CROCC: variants seen among roughly 807,000 people sequenced by gnomAD.
CROCC encodes the protein ciliary rootlet coiled-coil, rootletin, also known as rootletin.
Under a neutral mutation model 245.2 loss-of-function variants are expected in CROCC, and 180 were observed. The ratio of observed to expected loss-of-function variants is 0.73; its 90% CI spans 0.65 to 0.83. The LOEUF is 0.83. Among genes scored for constraint, CROCC ranks in the 40% least tolerant of loss-of-function variants. The pLI, the probability that CROCC is intolerant of heterozygous loss-of-function variation, is 0.00. For missense variants in CROCC, 2,688 were observed against 2,779.4 expected (o/e 0.97, Z 0.74); for synonymous variants, 1,205 against 1,241.6 (o/e 0.97, Z 0.62).
In CROCC at chr1:16,955,331, A is replaced by G; in HGVS notation, c.3485A>G (p.Gln1162Arg). ...TCACAGGCAGAAGAGCTTCGGACCCAGCTGCGTCTGCTGGAGGATGCCCGT... is the reference window on the plus strand; with the variant it reads ...TCACAGGCAGAAGAGCTTCGGACCCGGCTGCGTCTGCTGGAGGATGCCCGT... ...CLREAEELRT[Q>R]LRLLEDARDG... is the part of the protein sequence containing the mutation. Residue 1162 changes from glutamine to arginine, a missense_variant, in exon 24 of 37, where the codon CAG becomes CGG. By Grantham distance (43) the Gln-to-Arg change is conservative (BLOSUM62 1). This residue lies in a region of CROCC where 1,218 missense variants were observed against 1,286.3 expected (regional missense o/e 0.95). Coordinates refer to ENST00000375541, the MANE Select transcript of CROCC (RefSeq NM_014675.5). The G allele has an allele frequency of 6.2e-7, 1 of 1,608,224 alleles. No homozygotes were observed. The highest frequency in any genetic ancestry group is 8.5e-7 in the Non-Finnish European group (1 of 1,179,672).
At chr1:16,963,044 G>A (rs1223972258) in intron 27 of CROCC, among the ~76,000 whole-genome samples, 6 of 151,618 alleles carry the variant, frequency 4.0e-5, no homozygotes, top group Non-Finnish European at 2.9e-5. Flanking sequence ...TTAGTCAAGT[G>A]TGGTGGCAGA....
At position 16,953,346 on chromosome 1, in the gene CROCC, G is replaced by C; in HGVS notation, c.3051G>C (p.Gln1017His). ...TGGAGGCCGAGCGGGCCCAGCTGCA[G>C]AGTCAGCTGCAGCGTGAGCAGGAGG... ...RELEAERAQL[Q>H]SQLQREQEEL... The change falls in exon 21 of 37, where the codon CAG becomes CAC. Residue 1017 changes from glutamine to histidine, a missense_variant. Gln to His is a conservative substitution (Grantham distance 24). Around this residue, in one of 9 missense-constraint regions of CROCC, gnomAD observed 106 missense variants for 126.1 expected, o/e 0.84. Transcript: ENST00000375541. The C allele has an allele frequency of 1.2e-6, 2 of 1,606,280 alleles. No homozygotes were observed. The highest frequency in any genetic ancestry group is 1.7e-6 in the Non-Finnish European group (2 of 1,178,000).
At chr1:16,959,061 C>T (rs904263943) in intron 26 of CROCC, among the ~76,000 whole-genome samples, 6 of 152,284 alleles carry the variant, frequency 3.9e-5, no homozygotes, top group African/African-American at 1.2e-4. Context: ...CTCACTCTGT[C>T]GCCCAGGCTG....
At chr1:16,928,174 C>T (rs1481757665) in intron 3 of CROCC, among the ~76,000 whole-genome samples, 1 of 152,288 alleles carries the variant, frequency 6.6e-6, no homozygotes, top group Non-Finnish European at 1.5e-5. Context: ...TGTAGCAGGC[C>T]AGGTCCTGAG....
chr1:16,953,653 T>C (rs2076201575), intron 21 of CROCC, 172 bp downstream of exon 21: 4 of 609,220 alleles, frequency 6.6e-6, no homozygotes, highest in Non-Finnish European at 1.1e-5. Context: ...TCGTGAGGCT[T>C]TGCTGTGCTC....
chr1:16,960,875 G>T lies in CROCC; in HGVS notation c.4150G>T (p.Ala1384Ser), dbSNP rs932056043. 5 of 1,515,468 alleles carry T rather than the reference G, an allele frequency of 3.3e-6. No homozygotes were observed. Among genetic ancestry groups the T allele is most frequent in the Non-Finnish European group, 4.4e-6 (5 of 1,138,416 alleles). The allele number at this position is 1,515,468 out of a possible 1,614,324, so 93.9% of individuals were successfully genotyped here. The part of the protein sequence containing the change: ...RGTEKQQLDH[A>S]RGLELKLEAA... Reference sequence around the variant, plus strand: ...CACTGAAAAGCAGCAGCTGGACCACGCCCGCGGCCTGGAGCTGAAGCTGGA... The same window carrying T: ...CACTGAAAAGCAGCAGCTGGACCACTCCCGCGGCCTGGAGCTGAAGCTGGA... The change falls in exon 27 of 37, where the codon GCC becomes TCC. Residue 1384 changes from alanine to serine, a missense_variant. Physicochemically the swap from Ala to Ser is moderately conservative, Grantham distance 99. Around this residue, in one of 9 missense-constraint regions of CROCC, gnomAD observed 1,218 missense variants for 1,286.3 expected, o/e 0.95. Transcript: ENST00000375541.
intron 25 of CROCC, among the ~76,000 whole-genome samples, chr1:16,957,794 G>T (rs1409552671): frequency 6.6e-6 from 1 of 152,136 alleles, no homozygotes; most frequent in Non-Finnish European, 1.5e-5. Flanking sequence ...CAAAAAAAGA[G>T]ATCACAACTG....
intron 3 of CROCC, among the ~76,000 whole-genome samples, chr1:16,926,030 T>A (rs1442465765): frequency 2.0e-5 from 3 of 152,236 alleles, no homozygotes; most frequent in African/African-American, 7.2e-5. Context: ...AGGGAAGAGG[T>A]GGGAGGTAGC....
chr1:16,968,142 G>A (rs531373342), intron 30 of CROCC, 61 bp from the exon 31 acceptor site: 79 of 1,497,034 alleles, frequency 5.3e-5, no homozygotes, highest in Non-Finnish European at 6.4e-5. Flanking sequence ...GCCCCAGGGC[G>A]TGTGCGGGAG....
At position 16,969,157 on chromosome 1, in the gene CROCC, C is replaced by A. The variant is rs1234160654; in HGVS notation, c.5118C>A (p.Thr1706=). The change falls in exon 32 of 37, where the codon ACC becomes ACA. Residue 1706 remains threonine (T), a synonymous_variant. Transcript: ENST00000375541. ...TGAAGGCAGGGACCCTGCAGCTGAC[C>A]GTGGAGCGGCTGAATGGGGCCCTGG... ...SEVKAGTLQL[T]VERLNGALAK... The A allele has an allele frequency of 2.5e-6, 4 of 1,609,490 alleles. No homozygotes were observed.
chr1:16,942,250 G>A (rs553714126), intron 13 of CROCC, among the ~76,000 whole-genome samples: 18 of 152,336 alleles, frequency 1.2e-4, no homozygotes, highest in Admixed American at 5.2e-4. Context: ...AGCCCGTCTC[G>A]GCCTCCCAAA....
At chr1:16,951,286 T>C (rs1329800264) in intron 20 of CROCC, 164 bp downstream of exon 20, 1 of 576,486 alleles carries the variant, frequency 1.7e-6, no homozygotes, top group East Asian at 3.5e-5. Context: ...GTGGTTCTTA[T>C]TAGACATGCA....
intron 3 of CROCC, among the ~76,000 whole-genome samples, chr1:16,927,145 TAGTG>T (rs1322362074): frequency 6.6e-6 from 1 of 152,178 alleles, no homozygotes; most frequent in Admixed American, 6.5e-5. Context: ...ACAAACAACA[TAGTG>T]AGACCCTAAA....
chr1:16,955,567 G>C lies in CROCC; in HGVS notation c.3704+17G>C, dbSNP rs752139180. The C allele has an allele frequency of 1.3e-6, 2 of 1,507,624 alleles. No individual in the cohort carries two copies. Among genetic ancestry groups the C allele is most frequent in the Non-Finnish European group, 8.8e-7 (1 of 1,131,840 alleles). The allele number at this position is 1,507,624 out of a possible 1,614,324, so 93.4% of individuals were successfully genotyped here. A position where few individuals can be genotyped will look rare whatever the true frequency, so the allele number is the denominator to read the frequency against. On this transcript the variant is annotated intron_variant, in intron 24 of 36. Coordinates refer to ENST00000375541, the MANE Select transcript of CROCC (RefSeq NM_014675.5). ...GCGCATCAGGTGGGGTGTCGCAGGA[G>C]GACCAGTCCTGAGTCCTCATGGGAT...
intron 8 of CROCC, among the ~76,000 whole-genome samples, chr1:16,936,038 C>T (rs1439538422): frequency 2.7e-4 from 41 of 152,220 alleles, no homozygotes; most frequent in African/African-American, 9.7e-4. Flanking sequence ...CCCCCAGAGC[C>T]CCTCCTTGTG....
chr1:16,922,631 G>A, intron 1 of CROCC, 32 bp from the exon 2 acceptor site: 1 of 1,570,016 alleles, frequency 6.4e-7, no homozygotes, highest in Non-Finnish European at 8.6e-7. Context: ...CGGGTCCCAT[G>A]TCCCCTGAAG....
rs2076225159 is a variant in CROCC, at chr1:16,954,954, C to T, written c.3465+77C>T. The T allele has an allele frequency of 7.0e-7, 1 of 1,430,864 alleles. No individual in the cohort carries two copies. The highest frequency in any genetic ancestry group is 9.2e-7 in the Non-Finnish European group (1 of 1,083,450). 88.6% of individuals were successfully genotyped at this position (1,430,864 alleles called of 1,614,324 possible). On this transcript the variant is annotated intron_variant, in intron 23 of 36. Transcript: ENST00000375541. The surrounding 1 kb of genome is among the most constrained non-coding windows in gnomAD (Gnocchi z 4.4). ...GCCTGGGGGCCTAGTTCCCCAGGGC[C>T]CCAGAAGAGTGTAAGATTCCTCCCT...
chr1:16,944,906 T>A (rs987110798), intron 14 of CROCC, among the ~76,000 whole-genome samples: 2 of 152,284 alleles, frequency 1.3e-5, no homozygotes, highest in Non-Finnish European at 2.9e-5. Flanking sequence ...GGGAGATGTG[T>A]CAGGCACTAT....
intron 8 of CROCC, among the ~76,000 whole-genome samples, chr1:16,932,495 G>A (rs201124396): frequency 0.023 from 3,518 of 151,358 alleles, no homozygotes; most frequent in Middle Eastern, 0.052. Context: ...TGATATGTAC[G>A]TGGAACAGAG....
Sources: allele counts gnomAD v4.1 joint callset (sites outside exome capture counted in the v4.1 genomes callset), GRCh38; gene constraint gnomAD v4.1.1; regional missense constraint gnomAD v4.1.1; non-coding constraint Gnocchi (gnomAD v3.1); transcripts MANE v1.5; gene names NCBI Gene and HGNC (gene_info 2026-07-23, HGNC 2026-07-21).